Variants in EDIL3 observed in about 807,000 individuals in gnomAD.
EDIL3 encodes EGF-like repeat and discoidin I-like domain-containing protein 3.
Under a neutral mutation model 67.4 loss-of-function variants are expected in EDIL3, and 37 were observed. The observed-to-expected ratio is 0.55, with a 90% CI of 0.42 to 0.72. The LOEUF is 0.72. Among genes scored for constraint, EDIL3 ranks in the 30% least tolerant of loss-of-function variants. The pLI is 0.00. For synonymous variants in EDIL3, 195 were observed against 196.3 expected (o/e 0.99, Z 0.05); for missense variants, 527 against 586.3 (o/e 0.90, Z 1.04).
intron 9 of EDIL3, among the ~76,000 whole-genome samples, chr5:84,019,610 C>A (rs547178278): frequency 6.6e-6 from 1 of 151,966 alleles, no homozygotes; most frequent in African/African-American, 2.4e-5. Context: ...AAACAAAAAG[C>A]CCCAAAGATC....
chr5:84,040,784 G>A (rs1746106106), intron 9 of EDIL3, among the ~76,000 whole-genome samples: 1 of 152,030 alleles, frequency 6.6e-6, no homozygotes, highest in Non-Finnish European at 1.5e-5. Flanking sequence ...ATTGCAATTA[G>A]ATTAATGCTT....
intron 9 of EDIL3, among the ~76,000 whole-genome samples, chr5:84,034,151 A>C (rs1745975953): frequency 6.6e-6 from 1 of 152,206 alleles, no homozygotes; most frequent in African/African-American, 2.4e-5. Context: ...GTATTTCCTA[A>C]ATAGTTGCAT....
At chr5:84,226,213 A>G (rs926173818) in intron 3 of EDIL3, among the ~76,000 whole-genome samples, 4 of 151,842 alleles carry the variant, frequency 2.6e-5, no homozygotes, top group Middle Eastern at 3.4e-3. Flanking sequence ...AAATAACAGG[A>G]AAGAGACATA....
chr5:84,186,812 G>T (rs1282121413), intron 3 of EDIL3, among the ~76,000 whole-genome samples: 1 of 151,954 alleles, frequency 6.6e-6, no homozygotes, highest in Admixed American at 6.6e-5. Flanking sequence ...GAACAAATGA[G>T]TATTATTCAA....
chr5:83,947,516 G>A (rs1360398052), intron 10 of EDIL3, among the ~76,000 whole-genome samples: 1 of 151,626 alleles, frequency 6.6e-6, no homozygotes, highest in Non-Finnish European at 1.5e-5. Flanking sequence ...ACAGTCTTTG[G>A]TAGCTCTGAT....
intron 4 of EDIL3, among the ~76,000 whole-genome samples, chr5:84,144,283 T>G (rs1040728335): frequency 1.4e-5 from 2 of 145,190 alleles, no homozygotes; most frequent in Non-Finnish European, 1.5e-5. Context: ...CCTTCCTTCC[T>G]TCCTTCCTTC....
At chr5:84,273,086 G>A (rs1333095775) in intron 1 of EDIL3, among the ~76,000 whole-genome samples, 1 of 152,086 alleles carries the variant, frequency 6.6e-6, no homozygotes, top group Non-Finnish European at 1.5e-5. Context: ...GACAAAAGCA[G>A]TAATTACAGA....
chr5:84,373,071 G>A (rs530174875), intron 1 of EDIL3, among the ~76,000 whole-genome samples: 2 of 152,124 alleles, frequency 1.3e-5, no homozygotes, highest in East Asian at 3.9e-4. Context: ...GCCATGTCCA[G>A]AACATTTTCC....
At chr5:84,369,427 A>G (rs1452196354) in intron 1 of EDIL3, among the ~76,000 whole-genome samples, 3 of 152,126 alleles carry the variant, frequency 2.0e-5, no homozygotes, top group East Asian at 3.8e-4. Flanking sequence ...ATTCTAACGT[A>G]TGCTACAAAA....
chr5:84,150,258 T>A (rs919002875), intron 4 of EDIL3, among the ~76,000 whole-genome samples: 1 of 152,148 alleles, frequency 6.6e-6, no homozygotes, highest in South Asian at 2.1e-4. Context: ...TCAAAATAGA[T>A]TGTAGATTAC....
rs1039940887 is a variant in EDIL3 at position 84,317,179 on chromosome 5, C to G, written c.68-62967G>C. On this transcript the variant is annotated intron_variant, in intron 1 of 10. Coordinates refer to ENST00000296591, the MANE Select transcript of EDIL3 (RefSeq NM_005711.5). Reference sequence around the variant, plus strand: ...AGGAGGAAAGATCTAAAATCGACACCCTAAAATCACAATTAAAAGAACTAG... The same window carrying G: ...AGGAGGAAAGATCTAAAATCGACACGCTAAAATCACAATTAAAAGAACTAG... Among the ~76,000 whole-genome samples the G allele has an allele frequency of 2.6e-5, 4 of 151,884 alleles. No individual in the cohort carries two copies. The South Asian group carries it at 8.3e-4, about 32-fold the overall frequency.
chr5:84,322,296 G>T (rs1746665360), intron 1 of EDIL3, among the ~76,000 whole-genome samples: 1 of 151,596 alleles, frequency 6.6e-6, no homozygotes. Context: ...CTGCCTCAAA[G>T]ATCCTAAATG....
At chr5:84,091,489 TG>T (rs1430615090) in intron 6 of EDIL3, among the ~76,000 whole-genome samples, 1 of 152,212 alleles carries the variant, frequency 6.6e-6, no homozygotes, top group Non-Finnish European at 1.5e-5. Flanking sequence ...TAAATAGAAA[TG>T]GTTTTAAATT....
chr5:84,183,376 T>A (rs1749048167), intron 3 of EDIL3, among the ~76,000 whole-genome samples: 1 of 152,124 alleles, frequency 6.6e-6, no homozygotes, highest in Admixed American at 6.6e-5. Flanking sequence ...GACTCATCAA[T>A]TCACTTCAAA....
intron 1 of EDIL3, among the ~76,000 whole-genome samples, chr5:84,298,731 C>T (rs1218111487): frequency 2.6e-5 from 4 of 152,180 alleles, no homozygotes; most frequent in Admixed American, 6.6e-5. Flanking sequence ...CATATATAAT[C>T]TCCTTATTGT....
At chr5:84,028,716 C>T (rs1745863131) in intron 9 of EDIL3, among the ~76,000 whole-genome samples, 1 of 151,902 alleles carries the variant, frequency 6.6e-6, no homozygotes. Context: ...TACAGTCACA[C>T]ACATGTATAT....
At chr5:83,976,098 G>A (rs1236724887) in intron 9 of EDIL3, among the ~76,000 whole-genome samples, 2 of 151,852 alleles carry the variant, frequency 1.3e-5, no homozygotes, top group Admixed American at 1.3e-4. Flanking sequence ...AAGACACTAA[G>A]AACAGAGGTC....
rs565763808 is a variant in EDIL3 at position 84,335,607 on chromosome 5, C to G, written c.67+48701G>C. 2.6e-5 allele frequency among the ~76,000 whole-genome samples: 4 copies of G among 152,158 alleles called. No homozygotes were observed. The East Asian group carries it at 5.8e-4, about 22-fold the overall frequency. Reference sequence around the variant, plus strand: ...AAAACTACGTCCCAATTCTCTAACTCAAAGTATGAATAAGCAAATGGAGAA... The same window carrying G: ...AAAACTACGTCCCAATTCTCTAACTGAAAGTATGAATAAGCAAATGGAGAA... On this transcript the variant is annotated intron_variant, in intron 1 of 10. Transcript: ENST00000296591.
chr5:84,047,781 G>A (rs759973156), intron 9 of EDIL3: 8 of 151,922 alleles, frequency 5.3e-5, no homozygotes, highest in Non-Finnish European at 1.2e-4. Context: ...TCTATATTTT[G>A]TACCTCAAAT....
Sources: allele counts gnomAD v4.1 joint callset (sites outside exome capture counted in the v4.1 genomes callset), GRCh38; gene constraint gnomAD v4.1.1; transcripts MANE v1.5; gene names NCBI Gene and HGNC (gene_info 2026-07-23, HGNC 2026-07-21).